Variants in FOXN3 observed in about 807,000 individuals in gnomAD.
FOXN3 encodes forkhead box N3, also known as forkhead box protein N3.
A neutral mutation model predicts 38.4 loss-of-function variants in FOXN3; 7 were observed. The ratio of observed to expected loss-of-function variants is 0.18; its 90% CI spans 0.10 to 0.34. The LOEUF is 0.34. FOXN3 is among the 10% of genes least tolerant of loss of function. The pLI is 1.00. For missense variants in FOXN3, 456 were observed against 613.4 expected (o/e 0.74, Z 2.71); for synonymous variants, 230 against 242.2 (o/e 0.95, Z 0.47).
At chr14:89,593,577 A>G (rs1896000427) in intron 1 of FOXN3, among the ~76,000 whole-genome samples, 2 of 152,252 alleles carry the variant, frequency 1.3e-5, no homozygotes, top group Admixed American at 6.5e-5. Context: ...CTATATTCTC[A>G]TCACAATAAG....
At chr14:89,166,232 G>C (rs372238942) in intron 5 of FOXN3, among the ~76,000 whole-genome samples, 2 of 152,230 alleles carry the variant, frequency 1.3e-5, no homozygotes, top group Non-Finnish European at 2.9e-5. Context: ...TTTCGAGCCT[G>C]AGAATGTCTC....
In FOXN3 at chr14:89,429,391, C is replaced by T. The variant is rs181271346; in HGVS notation, c.-14-16901G>A. On this transcript the variant is annotated intron_variant, in intron 1 of 6. Transcript: ENST00000345097. ...CCATGTGGGAGCCTGGCTCCGCTGCCTCTCAACGCACTGGCTTGCTTTTTG... is the reference window on the plus strand; with the variant it reads ...CCATGTGGGAGCCTGGCTCCGCTGCTTCTCAACGCACTGGCTTGCTTTTTG... Among the ~76,000 whole-genome samples, 574 of 152,344 alleles carry T rather than the reference C, an allele frequency of 3.8e-3. 4 individuals carry two copies. Among genetic ancestry groups the T allele is most frequent in the Non-Finnish European group, 7.0e-3 (475 of 68,034 alleles).
chr14:89,369,108 G>A lies in FOXN3; in HGVS notation c.544-18300C>T, dbSNP rs371559186. On this transcript the variant is annotated intron_variant, in intron 2 of 5. Transcript: ENST00000557258. ...GGGGAGAGGCAGAGAAGCTTGATGC[G>A]TTATCCAGGAACACACATGGATACT... Among the ~76,000 whole-genome samples, 19 of 152,274 alleles carry A rather than the reference G, an allele frequency of 1.2e-4. No homozygotes were observed. The East Asian group carries it at 1.3e-3, about 11-fold the overall frequency.
At chr14:89,222,028 T>C (rs1884483156) in intron 4 of FOXN3, among the ~76,000 whole-genome samples, 1 of 152,042 alleles carries the variant, frequency 6.6e-6, no homozygotes, top group South Asian at 2.1e-4. Flanking sequence ...TTCACCGCGT[T>C]AGCCAGGATA....
intron 4 of FOXN3, among the ~76,000 whole-genome samples, chr14:89,265,694 C>T (rs1167354809): frequency 6.6e-6 from 1 of 152,218 alleles, no homozygotes; most frequent in Non-Finnish European, 1.5e-5. Context: ...GGTAAAATTA[C>T]ACATGCAAGT....
upstream of FOXN3, among the ~76,000 whole-genome samples, chr14:89,418,579 T>C (rs1891822218): frequency 6.6e-6 from 1 of 151,762 alleles, no homozygotes; most frequent in Admixed American, 6.6e-5. Flanking sequence ...AGCCCAGGGG[T>C]AGCCTGAGGT....
At chr14:89,543,000 C>T (rs1330801280) in intron 1 of FOXN3, among the ~76,000 whole-genome samples, 1 of 152,138 alleles carries the variant, frequency 6.6e-6, no homozygotes, top group Non-Finnish European at 1.5e-5. Flanking sequence ...AGAAGGAAAC[C>T]ATCAATCCTG....
chr14:89,396,345 C>G (rs903373263), intron 2 of FOXN3, among the ~76,000 whole-genome samples: 5 of 152,202 alleles, frequency 3.3e-5, no homozygotes, highest in African/African-American at 1.2e-4. Context: ...GAGAAAAGAG[C>G]ATCAGGCCAA....
Position 89,258,557 on chromosome 14 carries a change from G to A in FOXN3, c.745+22393C>T, listed in dbSNP as rs866024338. ...AATAGTAGTCATTGTGATACCACCTGGACCACCTACATCTTATTTTCTAAA... is the reference window on the plus strand; with the variant it reads ...AATAGTAGTCATTGTGATACCACCTAGACCACCTACATCTTATTTTCTAAA... On this transcript the variant is annotated intron_variant, in intron 4 of 5. Coordinates refer to ENST00000557258, the MANE Select transcript of FOXN3 (RefSeq NM_005197.4). Among the ~76,000 whole-genome samples, 38 of 152,190 alleles carry A rather than the reference G, an allele frequency of 2.5e-4. 1 individual carries two copies. The highest frequency in any genetic ancestry group is 8.7e-4 in the African/African-American group (36 of 41,516).
intron 4 of FOXN3, among the ~76,000 whole-genome samples, chr14:89,208,079 G>A (rs1200149957): frequency 6.6e-6 from 1 of 152,196 alleles, no homozygotes; most frequent in Non-Finnish European, 1.5e-5. Context: ...TTCAGGCAGG[G>A]AGTGCCATTA....
chr14:89,608,039 C>T (rs529359727), intron 1 of FOXN3, among the ~76,000 whole-genome samples: 46 of 150,836 alleles, frequency 3.0e-4, no homozygotes, highest in Non-Finnish European at 4.9e-4. Context: ...AGTGCAGTGG[C>T]GCGATCTCAG....
Position 89,525,585 on chromosome 14 carries a change from TA to T in FOXN3, c.-15+93442del, listed in dbSNP as rs1894416833. 2.0e-5 allele frequency among the ~76,000 whole-genome samples: 3 copies of T among 149,542 alleles called. No homozygotes were observed. The Admixed American group carries it at 2.0e-4, about 10-fold the overall frequency. Reference sequence around the variant, plus strand: ...CCGAGCTGCTGCTCTGCCTATGCAGTAGCCATTCTTTATTCCCTTACTATCT... The same window carrying T: ...CCGAGCTGCTGCTCTGCCTATGCAGTGCCATTCTTTATTCCCTTACTATCT... On this transcript the variant is annotated intron_variant, in intron 1 of 6. Transcript: ENST00000345097.
chr14:89,247,683 AACCCCTGTTCCCTGTCAACCT>A (rs1184980297), intron 4 of FOXN3, among the ~76,000 whole-genome samples: 2 of 152,244 alleles, frequency 1.3e-5, no homozygotes, highest in South Asian at 4.2e-4. Context: ...TTCCACACAT[AACCCCTGTTCCCTGTCAACCT>A]ACTCTGTTCT....
intron 1 of FOXN3, among the ~76,000 whole-genome samples, chr14:89,534,100 CTTTTTTTTTT>C (rs79800046): frequency 3.3e-4 from 38 of 113,816 alleles, no homozygotes; most frequent in Admixed American, 4.7e-4. Context: ...ATTATACATT[CTTTTTTTTTT>C]TTTTTTTTTT....
At chr14:89,392,888 C>T (rs1004093105) in intron 2 of FOXN3, among the ~76,000 whole-genome samples, 3 of 150,788 alleles carry the variant, frequency 2.0e-5, no homozygotes, top group African/African-American at 7.3e-5. Context: ...TTCAGTGCAA[C>T]CTCCGCCCCC....
intron 2 of FOXN3, among the ~76,000 whole-genome samples, chr14:89,410,129 C>T (rs149264634): frequency 0.018 from 2,670 of 151,754 alleles, 46 homozygotes; most frequent in Non-Finnish European, 0.028. Flanking sequence ...AAACAGAAAC[C>T]GAGTGAAGAG....
chr14:89,311,471 CAAAA>C (rs34367113), intron 3 of FOXN3, among the ~76,000 whole-genome samples: 5 of 66,030 alleles, frequency 7.6e-5, no homozygotes, highest in African/African-American at 1.2e-4. Context: ...GACTCGGCCT[CAAAA>C]AAAAAAAAAA....
Position 89,412,690 on chromosome 14 carries a change from G to T in FOXN3, c.-14-200C>A, listed in dbSNP as rs758665746. On this transcript the variant is annotated intron_variant, in intron 1 of 5. Coordinates refer to ENST00000557258, the MANE Select transcript of FOXN3 (RefSeq NM_005197.4). This position sits in a 1 kb window ranked among gnomAD's most constrained non-coding sequence, Gnocchi z 4.7. ...AGAGATAGGCTGATGAGAAAAATCA[G>T]CCCGCCATTCATATAGCAAGGTGAC... 1.3e-5 allele frequency among the ~76,000 whole-genome samples: 2 copies of T among 152,046 alleles called. No homozygotes were observed. Among genetic ancestry groups the T allele is most frequent in the African/African-American group, 2.4e-5 (1 of 41,406 alleles).
intron 1 of FOXN3, among the ~76,000 whole-genome samples, chr14:89,490,456 G>A (rs17125921): frequency 0.011 from 1,670 of 152,344 alleles, 33 homozygotes; most frequent in African/African-American, 0.038. Flanking sequence ...GTAGACAGGA[G>A]CATGTGGAGG....
Sources: gnomAD v4.1 joint callset for allele counts (sites outside exome capture counted in the v4.1 genomes callset) on GRCh38, gnomAD v4.1.1 for gene constraint, Gnocchi (gnomAD v3.1) non-coding constraint, MANE v1.5 for transcripts, NCBI Gene and HGNC (gene_info 2026-07-23, HGNC 2026-07-21) for gene names.